MTCL2: variants seen among roughly 807,000 people sequenced by gnomAD.
The protein encoded by MTCL2 is microtubule crosslinking factor 2, also known as microtubule cross-linking factor 2.
the MTCL2 span, chr20:36,862,677 G>A: frequency 6.7e-7 from 1 of 1,500,208 alleles, no homozygotes; most frequent in Non-Finnish European, 8.9e-7. Flanking sequence ...GTCGTTCTCC[G>A]AGCGCAGCTC....
the MTCL2 span, chr20:36,815,862 C>G: frequency 6.2e-7 from 1 of 1,603,866 alleles, no homozygotes; most frequent in Non-Finnish European, 8.5e-7. The surrounding 1 kb of genome is among the most constrained non-coding windows in gnomAD (Gnocchi z 5.3). Context: ...AGAGGAGCGC[C>G]GCAGCAGCTC....
chr20:36,794,314 G>C, the MTCL2 span: 2 of 1,566,790 alleles, frequency 1.3e-6, no homozygotes, highest in Non-Finnish European at 8.7e-7. The surrounding 1 kb of genome is among the most constrained non-coding windows in gnomAD (Gnocchi z 5.4). Context: ...GGGCCACCGG[G>C]GGACTATAGT....
the MTCL2 span, chr20:36,777,900 G>C: frequency 1.6e-6 from 1 of 606,512 alleles, no homozygotes. Context: ...CTGGGGTTGG[G>C]AGGAGGAGGA....
chr20:36,859,913 A>T, the MTCL2 span: 40 of 1,230,836 alleles, frequency 3.2e-5, no homozygotes, highest in Non-Finnish European at 3.9e-5. Flanking sequence ...CTGGCAGCCT[A>T]GCGACCCTGC....
the MTCL2 span, among the ~76,000 whole-genome samples, chr20:36,831,203 C>T: frequency 6.6e-6 from 1 of 152,228 alleles, no homozygotes; most frequent in Non-Finnish European, 1.5e-5. Context: ...TTGGGAACTA[C>T]TGTTTGGTGA....
chr20:36,852,325 C>A, the MTCL2 span, among the ~76,000 whole-genome samples: 1 of 152,040 alleles, frequency 6.6e-6, no homozygotes, highest in Admixed American at 6.5e-5. Context: ...GGCCACTCAC[C>A]CCAGCCCCGG....
the MTCL2 span, among the ~76,000 whole-genome samples, chr20:36,860,304 C>A: frequency 6.6e-6 from 1 of 152,178 alleles, no homozygotes; most frequent in African/African-American, 2.4e-5. Context: ...CCCCCACCTT[C>A]GTGTGCTCCT....
the MTCL2 span, chr20:36,828,997 G>A: frequency 6.7e-5 from 99 of 1,469,066 alleles, no homozygotes; most frequent in Non-Finnish European, 8.8e-5. Flanking sequence ...GGCTTGGGGG[G>A]GCTTGCATGT....
At chr20:36,794,738 G>A in the MTCL2 span, 5 of 1,099,658 alleles carry the variant, frequency 4.5e-6, no homozygotes, top group African/African-American at 1.6e-5. The surrounding 1 kb of genome is among the most constrained non-coding windows in gnomAD (Gnocchi z 5.4). Context: ...AGATGTTGTT[G>A]GTGCCCAGTC....
chr20:36,851,413 C>T, the MTCL2 span, among the ~76,000 whole-genome samples: 1 of 152,332 alleles, frequency 6.6e-6, no homozygotes, highest in East Asian at 1.9e-4. Context: ...GGCCTAAGCC[C>T]CGTCCACTTC....
At chr20:36,811,442 G>T in the MTCL2 span, among the ~76,000 whole-genome samples, 1 of 152,048 alleles carries the variant, frequency 6.6e-6, no homozygotes, top group African/African-American at 2.4e-5. Context: ...CAGCCTAGGT[G>T]ACATGACAAA....
the MTCL2 span, among the ~76,000 whole-genome samples, chr20:36,787,830 G>C: frequency 6.8e-6 from 1 of 147,888 alleles, no homozygotes; most frequent in African/African-American, 2.5e-5. Context: ...AGGTTGCAGT[G>C]AGCTGAGATT....
chr20:36,786,256 C>A, the MTCL2 span: 1 of 1,225,572 alleles, frequency 8.2e-7, no homozygotes, highest in Non-Finnish European at 1.0e-6. Flanking sequence ...GTCTCTCTCC[C>A]ACTCACTGCC....
chr20:36,777,891 TG>T, the MTCL2 span: 1 of 610,884 alleles, frequency 1.6e-6, no homozygotes, highest in Non-Finnish European at 2.9e-6. Flanking sequence ...AAGGTATCCC[TG>T]GGGTTGGGAG....
At chr20:36,858,979 T>C in the MTCL2 span, among the ~76,000 whole-genome samples, 41 of 152,210 alleles carry the variant, frequency 2.7e-4, no homozygotes, top group Admixed American at 2.6e-3. Flanking sequence ...TTAGTAGAGA[T>C]GGGGTTTCGC....
chr20:36,813,235 A>G, the MTCL2 span, among the ~76,000 whole-genome samples: 1 of 147,932 alleles, frequency 6.8e-6, no homozygotes, highest in African/African-American at 2.5e-5. Flanking sequence ...CTGTAATTCC[A>G]TCTACAATTT....
chr20:36,789,061 C>T, the MTCL2 span, among the ~76,000 whole-genome samples: 1 of 152,132 alleles, frequency 6.6e-6, no homozygotes, highest in Non-Finnish European at 1.5e-5. Context: ...TGAGCCACTG[C>T]GCCCAGCCTC....
chr20:36,856,472 AAGG>A, the MTCL2 span, among the ~76,000 whole-genome samples: 116 of 152,366 alleles, frequency 7.6e-4, no homozygotes, highest in Non-Finnish European at 1.3e-3. Flanking sequence ...AGGAAATTCC[AAGG>A]AGATTAGAAG....
At chr20:36,812,615 G>A in the MTCL2 span, 34 of 1,523,974 alleles carry the variant, frequency 2.2e-5, no homozygotes, top group Non-Finnish European at 2.9e-5. Flanking sequence ...ATCCTCACCA[G>A]CTAAGTGATA....
Sources: gnomAD v4.1 joint callset for allele counts (sites outside exome capture counted in the v4.1 genomes callset) on GRCh38, gnomAD v4.1.1 for gene constraint, Gnocchi (gnomAD v3.1) non-coding constraint, MANE v1.5 for transcripts, NCBI Gene and HGNC (gene_info 2026-07-23, HGNC 2026-07-21) for gene names.